Variants in GAB2 observed in about 807,000 individuals in gnomAD.
GAB2 encodes the protein GRB2 associated binding protein 2, also known as GRB2-associated-binding protein 2.
Under a neutral mutation model 65.5 loss-of-function variants are expected in GAB2, and 26 were observed. That is an observed-to-expected ratio of 0.40 (90% CI 0.29 to 0.55). The LOEUF is 0.55. Ranked by LOEUF, GAB2 falls within the 20% of genes least tolerant of loss-of-function variation. GAB2 has a pLI of 0.53. For missense variants in GAB2, 884 were observed against 875.8 expected (o/e 1.01, Z -0.12); for synonymous variants, 321 against 329.6 (o/e 0.97, Z 0.28).
intron 1 of GAB2, among the ~76,000 whole-genome samples, chr11:78,411,461 T>C (rs1434814779): frequency 2.6e-5 from 4 of 152,084 alleles, no homozygotes; most frequent in Non-Finnish European, 5.9e-5. Context: ...ACTTACAATA[T>C]AGCTAGAGTT....
At chr11:78,317,189 AAGG>A (rs952542283) in intron 1 of GAB2, among the ~76,000 whole-genome samples, 1 of 152,324 alleles carries the variant, frequency 6.6e-6, no homozygotes, top group African/African-American at 2.4e-5. Flanking sequence ...GGGAAGCTGA[AAGG>A]AGTTTTGGAG....
intron 2 of GAB2, among the ~76,000 whole-genome samples, chr11:78,264,115 T>C (rs1865810556): frequency 6.6e-6 from 1 of 152,102 alleles, no homozygotes; most frequent in South Asian, 2.1e-4. Context: ...TTTCATATAT[T>C]ATATAGTACT....
intron 3 of GAB2, among the ~76,000 whole-genome samples, chr11:78,245,760 A>G (rs1364819676): frequency 1.3e-5 from 2 of 152,290 alleles, no homozygotes; most frequent in South Asian, 2.1e-4. Context: ...TGAAAATTCA[A>G]GTTTCCTTCT....
Position 78,407,752 on chromosome 11 carries a change from G to A in GAB2, c.75+9894C>T, listed in dbSNP as rs199742027. Among the ~76,000 whole-genome samples the A allele has an allele frequency of 3.3e-4, 43 of 131,380 alleles. 1 individual carries two copies. Among genetic ancestry groups the A allele is most frequent in the South Asian group, 2.7e-3 (10 of 3,722 alleles). 86.2% of individuals were successfully genotyped at this position (131,380 alleles called of 152,430 possible). A position where few individuals can be genotyped will look rare whatever the true frequency, so the allele number is the denominator to read the frequency against. On this transcript the variant is annotated intron_variant, in intron 1 of 9. Transcript: ENST00000361507. ...AAAGAAAGAAAGAAAGAAAGAAAAAGAAAGAAAGAAAGAAAGAGAGAGAAA... is the reference window on the plus strand; with the variant it reads ...AAAGAAAGAAAGAAAGAAAGAAAAAAAAAGAAAGAAAGAAAGAGAGAGAAA...
chr11:78,220,529 A>C, intron 8 of GAB2, 85 bp from the exon 9 acceptor site: 1 of 1,211,728 alleles, frequency 8.3e-7, no homozygotes, highest in South Asian at 1.5e-5. Context: ...GAGTAAGAAC[A>C]CTGTTTCCCT....
chr11:78,265,735 A>G (rs577122038), intron 2 of GAB2, among the ~76,000 whole-genome samples: 2 of 152,070 alleles, frequency 1.3e-5, no homozygotes, highest in African/African-American at 2.4e-5. Flanking sequence ...AGTACATGTT[A>G]TATGTTTCAA....
At chr11:78,415,874 T>C (rs1857188527) in intron 1 of GAB2, among the ~76,000 whole-genome samples, 1 of 152,026 alleles carries the variant, frequency 6.6e-6, no homozygotes, top group African/African-American at 2.4e-5. Context: ...TGTTTGCAAA[T>C]TGTTTCAAAA....
chr11:78,383,581 C>CAAAAAAAA lies in GAB2; in HGVS notation c.75+34057_75+34064dup, dbSNP rs534814220. Among the ~76,000 whole-genome samples, 102 of 55,480 alleles carry CAAAAAAAA rather than the reference C, an allele frequency of 1.8e-3. 2 individuals are homozygous for CAAAAAAAA. The highest frequency in any genetic ancestry group is 0.013 in the East Asian group (22 of 1,704). The allele number at this position is 55,480 out of a possible 152,430, so 36.4% of individuals were successfully genotyped here. A position where few individuals can be genotyped will look rare whatever the true frequency, so the allele number is the denominator to read the frequency against. ...GCAACATGGCAAAACCCTGTCTCTCCAAAAAAAAAAAAAAAAAAATACAAA... is the reference window on the plus strand; with the variant it reads ...GCAACATGGCAAAACCCTGTCTCTCCAAAAAAAAAAAAAAAAAAAAAAAAAAATACAAA... On this transcript the variant is annotated intron_variant, in intron 1 of 9. Coordinates refer to ENST00000361507, the MANE Select transcript of GAB2 (RefSeq NM_080491.3).
chr11:78,295,255 T>C lies in GAB2; in HGVS notation c.76-14354A>G, dbSNP rs998106679. ...CTGAGGCTGAGGCCAGATTTAGATT[T>C]TCCCCTTAGACTTTCCGGGTCAATA... On this transcript the variant is annotated intron_variant, in intron 1 of 9. Transcript: ENST00000361507. 1.4e-3 allele frequency among the ~76,000 whole-genome samples: 217 copies of C among 152,160 alleles called. 27 individuals are homozygous for C.
intron 3 of GAB2, among the ~76,000 whole-genome samples, chr11:78,244,595 A>C (rs538137919): frequency 2.1e-5 from 3 of 145,830 alleles, no homozygotes; most frequent in Non-Finnish European, 4.5e-5. Context: ...CAAATAATGG[A>C]GTTGAGGCAA....
At chr11:78,377,250 C>G (rs1242752264) in intron 1 of GAB2, among the ~76,000 whole-genome samples, 1 of 152,190 alleles carries the variant, frequency 6.6e-6, no homozygotes, top group African/African-American at 2.4e-5. Context: ...GCTGGGAAGT[C>G]CAGGATGAAG....
intron 2 of GAB2, among the ~76,000 whole-genome samples, chr11:78,257,859 T>C (rs1248239525): frequency 6.6e-6 from 1 of 151,834 alleles, no homozygotes; most frequent in Admixed American, 6.6e-5. Context: ...GAGACATCAA[T>C]AGCAAACTCT....
At chr11:78,413,816 G>A (rs573367982) in intron 1 of GAB2, among the ~76,000 whole-genome samples, 5 of 152,232 alleles carry the variant, frequency 3.3e-5, no homozygotes, top group African/African-American at 1.2e-4. Flanking sequence ...TGGGCGCGGT[G>A]GCTCATGTCT....
intron 1 of GAB2, among the ~76,000 whole-genome samples, chr11:78,408,549 G>A (rs12290563): frequency 0.087 from 13,305 of 152,220 alleles, 1,852 homozygotes; most frequent in African/African-American, 0.3. Context: ...ATTATATTAA[G>A]TGTAAATTTA....
At chr11:78,220,725 A>C (rs979763540) in intron 8 of GAB2, among the ~76,000 whole-genome samples, 1 of 152,182 alleles carries the variant, frequency 6.6e-6, no homozygotes, top group Non-Finnish European at 1.5e-5. Context: ...AGTGATGGGA[A>C]TCAGGTCTGT....
intron 2 of GAB2, among the ~76,000 whole-genome samples, chr11:78,258,138 G>A (rs1183812210): frequency 1.3e-5 from 2 of 152,142 alleles, no homozygotes; most frequent in Non-Finnish European, 2.9e-5. Context: ...TAGATCGGGG[G>A]TACACATCAA....
intron 1 of GAB2, among the ~76,000 whole-genome samples, chr11:78,413,084 AAAG>A (rs1248368272): frequency 6.6e-6 from 1 of 152,230 alleles, no homozygotes. Flanking sequence ...AGAGATGAAC[AAAG>A]AAGAGTTTAG....
chr11:78,319,948 T>G (rs1855690994), intron 1 of GAB2, among the ~76,000 whole-genome samples: 1 of 151,536 alleles, frequency 6.6e-6, no homozygotes, highest in East Asian at 1.9e-4. Flanking sequence ...TGATCTCGGC[T>G]CACTGCAACC....
At chr11:78,263,457 C>A (rs963051360) in intron 2 of GAB2, among the ~76,000 whole-genome samples, 6 of 151,884 alleles carry the variant, frequency 4.0e-5, no homozygotes, top group African/African-American at 1.5e-4. Context: ...CACGGTGAAA[C>A]CCCATCTCTA....
Sources: allele counts gnomAD v4.1 joint callset (sites outside exome capture counted in the v4.1 genomes callset), GRCh38; gene constraint gnomAD v4.1.1; transcripts MANE v1.5; gene names NCBI Gene and HGNC (gene_info 2026-07-23, HGNC 2026-07-21).